The following ADAMTS17 variants were observed in gnomAD, a reference collection of about 807,000 sequenced individuals.
ADAMTS17 encodes the protein ADAM metallopeptidase with thrombospondin type 1 motif 17, also known as A disintegrin and metalloproteinase with thrombospondin motifs 17.
A neutral mutation model predicts 141.5 loss-of-function variants in ADAMTS17; 113 were observed. The observed-to-expected ratio is 0.80, with a 90% CI of 0.69 to 0.93. The LOEUF is 0.93. ADAMTS17 is among the 40% of genes least tolerant of loss of function. ADAMTS17 has a pLI of 0.00. For synonymous variants in ADAMTS17, 768 were observed against 630.6 expected (o/e 1.22, Z -3.27); for missense variants, 1,659 against 1,517.9 (o/e 1.09, Z -1.54).
intron 16 of ADAMTS17, 72 bp downstream of exon 16, chr15:100,053,825 A>C: frequency 6.2e-7 from 1 of 1,612,464 alleles, no homozygotes; most frequent in Non-Finnish European, 8.5e-7. Context: ...GGCAGAAGTA[A>C]ACTGGAAAGT....
intron 14 of ADAMTS17, among the ~76,000 whole-genome samples, chr15:100,101,920 C>T (rs566328920): frequency 2.1e-4 from 32 of 152,328 alleles, no homozygotes; most frequent in African/African-American, 5.5e-4. Context: ...AGGCCAGTTG[C>T]GCAGCCGTGA....
intron 7 of ADAMTS17, among the ~76,000 whole-genome samples, chr15:100,216,558 G>A (rs1279095256): frequency 2.0e-5 from 3 of 152,162 alleles, no homozygotes; most frequent in African/African-American, 7.2e-5. Flanking sequence ...GTCTGGAACC[G>A]CACTGTGCCT....
At chr15:100,182,523 TG>T (rs2040561328) in intron 8 of ADAMTS17, among the ~76,000 whole-genome samples, 1 of 152,172 alleles carries the variant, frequency 6.6e-6, no homozygotes, top group Non-Finnish European at 1.5e-5. Context: ...TGTGCTACAC[TG>T]TGGCTGCTGT....
chr15:100,240,202 G>A (rs914263908), intron 7 of ADAMTS17, among the ~76,000 whole-genome samples: 6 of 152,196 alleles, frequency 3.9e-5, no homozygotes, highest in Non-Finnish European at 8.8e-5. Context: ...GAAGCTGCTG[G>A]TCAGCACCCA....
intron 18 of ADAMTS17, among the ~76,000 whole-genome samples, chr15:100,003,944 G>T (rs2060980964): frequency 6.6e-6 from 1 of 150,676 alleles, no homozygotes; most frequent in African/African-American, 2.5e-5. Flanking sequence ...TTGGATGGTG[G>T]TGATGGCTGC....
rs560196071 is a variant in ADAMTS17, at chr15:99,976,519, T to C, written c.2950-297A>G. On this transcript the variant is annotated intron_variant, in intron 20 of 21. Coordinates refer to ENST00000268070, the MANE Select transcript of ADAMTS17 (RefSeq NM_139057.4). ...CAGGGCAAAAACAGCAGCTGCCTGA[T>C]AGAAGACTGTTTCAAGATGTTATGG... 5.1e-5 allele frequency: 29 copies of C among 566,054 alleles called. No individual in the cohort carries two copies. The East Asian group carries it at 7.5e-4, about 15-fold the overall frequency. The allele number at this position is 566,054 out of a possible 1,614,324, so 35.1% of individuals were successfully genotyped here. A position where few individuals can be genotyped will look rare whatever the true frequency, so the allele number is the denominator to read the frequency against.
chr15:100,120,179 A>G (rs966911588), intron 12 of ADAMTS17, among the ~76,000 whole-genome samples: 14 of 152,336 alleles, frequency 9.2e-5, no homozygotes, highest in Middle Eastern at 3.4e-3. Flanking sequence ...CATCCAGACA[A>G]TAATCACACT....
intron 11 of ADAMTS17, 145 bp from the exon 12 acceptor site, chr15:100,132,297 G>T (rs1323490186): frequency 3.4e-6 from 4 of 1,184,930 alleles, no homozygotes; most frequent in African/African-American, 1.5e-5. Flanking sequence ...TTGCACGTTT[G>T]CTAATTTTAG....
In ADAMTS17 at chr15:100,254,703, A is replaced by G. The variant is rs115561819; in HGVS notation, c.1032-524T>C. Among the ~76,000 whole-genome samples, 496 of 152,338 alleles carry G rather than the reference A, an allele frequency of 3.3e-3. 7 individuals are homozygous for G. Among genetic ancestry groups the G allele is most frequent in the African/African-American group, 0.012 (487 of 41,570 alleles). Reference sequence around the variant, plus strand: ...GATCATGTTCTTTGCAGGGACATGGATGGAGCTGGAGCCTATTATCCTCAG... The same window carrying G: ...GATCATGTTCTTTGCAGGGACATGGGTGGAGCTGGAGCCTATTATCCTCAG... On this transcript the variant is annotated intron_variant, in intron 6 of 21. Coordinates refer to ENST00000268070, the MANE Select transcript of ADAMTS17 (RefSeq NM_139057.4).
chr15:100,127,550 A>T (rs558168192), intron 12 of ADAMTS17, among the ~76,000 whole-genome samples: 2 of 152,202 alleles, frequency 1.3e-5, no homozygotes, highest in Non-Finnish European at 2.9e-5. Flanking sequence ...TGGGCAAGTT[A>T]CCAAACTTCA....
intron 7 of ADAMTS17, among the ~76,000 whole-genome samples, chr15:100,247,314 G>GAC (rs2043019335): frequency 6.6e-6 from 1 of 152,206 alleles, no homozygotes; most frequent in African/African-American, 2.4e-5. Flanking sequence ...AAACCCAAGA[G>GAC]CTGGTCTAGC....
chr15:100,117,103 G>A (rs2037186061), intron 12 of ADAMTS17, 90 bp from the exon 13 acceptor site: 3 of 1,483,568 alleles, frequency 2.0e-6, no homozygotes, highest in East Asian at 2.5e-5. Context: ...GGGGAGGAGA[G>A]GAAGGGGGCA....
intron 18 of ADAMTS17, among the ~76,000 whole-genome samples, chr15:100,025,792 G>C (rs991580924): frequency 6.6e-6 from 1 of 152,022 alleles, no homozygotes; most frequent in East Asian, 1.9e-4. Flanking sequence ...CTTTGTAGTA[G>C]TATTTAATTA....
At chr15:100,204,227 G>T (rs892480273) in intron 7 of ADAMTS17, among the ~76,000 whole-genome samples, 13 of 152,246 alleles carry the variant, frequency 8.5e-5, no homozygotes, top group Non-Finnish European at 1.6e-4. Context: ...AACTCTGGTT[G>T]ATGCAGTAAG....
intron 7 of ADAMTS17, among the ~76,000 whole-genome samples, chr15:100,253,371 G>A (rs2141958665): frequency 2.5e-5 from 2 of 80,022 alleles, no homozygotes; most frequent in African/African-American, 1.1e-4. Flanking sequence ...AAGGTAGAGG[G>A]GGAGGGGAAG....
chr15:100,225,494 G>GC (rs1459336709), intron 7 of ADAMTS17, among the ~76,000 whole-genome samples: 2 of 150,178 alleles, frequency 1.3e-5, no homozygotes, highest in South Asian at 2.1e-4. Context: ...CGGTCTCTGT[G>GC]CCATTCAGTC....
chr15:100,001,976 C>CAAAAAAAAAAAA (rs71151930), intron 18 of ADAMTS17, among the ~76,000 whole-genome samples: 2 of 33,608 alleles, frequency 6.0e-5, no homozygotes, highest in South Asian at 1.5e-3. Flanking sequence ...GACTCAGTCT[C>CAAAAAAAAAAAA]AAAAAAAAGG....
intron 4 of ADAMTS17, among the ~76,000 whole-genome samples, chr15:100,262,798 C>T (rs74039113): frequency 1.6e-4 from 20 of 124,272 alleles, no homozygotes; most frequent in African/African-American, 5.6e-4. Flanking sequence ...AAAAAAAAAA[C>T]AAAAAACCTA....
chr15:100,307,342 A>G (rs61218790), intron 3 of ADAMTS17, among the ~76,000 whole-genome samples: 2,451 of 152,286 alleles, frequency 0.016, 33 homozygotes, highest in East Asian at 0.073. Context: ...ACCAAGGACC[A>G]CAAAAGCTGC....
Sources: allele counts gnomAD v4.1 joint callset (sites outside exome capture counted in the v4.1 genomes callset), GRCh38; gene constraint gnomAD v4.1.1; transcripts MANE v1.5; gene names NCBI Gene and HGNC (gene_info 2026-07-23, HGNC 2026-07-21).